Variants in ZAN observed in about 807,000 individuals in gnomAD.
ZAN encodes the protein zonadhesin (gene/pseudogene).
In ZAN, 260 loss-of-function variants were observed where a neutral mutation model predicts 286.2. The observed-to-expected ratio is 0.91, with a 90% CI of 0.82 to 1.01. The LOEUF (loss-of-function observed/expected upper bound fraction) is 1.01. ZAN is among the 50% of genes least tolerant of loss of function. ZAN has a pLI of 0.00. For synonymous variants in ZAN, 1,368 were observed against 1,417.5 expected, an observed-to-expected ratio of 0.97 and a Z score of 0.79; for missense variants, 3,410 against 3,639.2, an observed-to-expected ratio of 0.94 and a Z score of 1.62.
intron 42 of ZAN, among the ~76,000 whole-genome samples, chr7:100,793,426 CTGAG>C (rs1308541861): frequency 6.6e-6 from 1 of 152,046 alleles, no homozygotes; most frequent in African/African-American, 2.4e-5. Context: ...ATATGCAACG[CTGAG>C]TGTTTTTGTT....
In ZAN at chr7:100,763,082, A is replaced by C. The variant is rs1003855055; in HGVS notation, c.3986+724A>C. 6.8e-6 allele frequency among the ~76,000 whole-genome samples: 1 copy of C among 147,374 alleles called. No homozygotes were observed. The highest frequency in any genetic ancestry group is 1.5e-5 in the Non-Finnish European group (1 of 66,938). On this transcript the variant is annotated intron_variant, in intron 20 of 47. Coordinates refer to ENST00000613979, the MANE Select transcript of ZAN (RefSeq NM_003386.3). The surrounding 1 kb of genome is among the most constrained non-coding windows in gnomAD (Gnocchi z 4.6). Reference sequence around the variant, plus strand: ...TGCCTCCTGGGCTCAAGTGATTCTCACGCCTCAATCCCAATGAGATTATAG... The same window carrying C: ...TGCCTCCTGGGCTCAAGTGATTCTCCCGCCTCAATCCCAATGAGATTATAG...
intron 11 of ZAN, among the ~76,000 whole-genome samples, chr7:100,749,701 CAT>C (rs527860663): frequency 9.0e-5 from 12 of 132,740 alleles, no homozygotes; most frequent in South Asian, 5.0e-4. Flanking sequence ...TATATACACA[CAT>C]ATATATATAC....
chr7:100,751,295 G>C lies in ZAN; in HGVS notation c.1606+29G>C, dbSNP rs936465593. 6.0e-6 allele frequency: 9 copies of C among 1,511,502 alleles called. No individual in the cohort carries two copies. In the Admixed American group the frequency reaches 1.1e-4, roughly 18 times the overall value. The allele number at this position is 1,511,502 out of a possible 1,614,324, so 93.6% of individuals were successfully genotyped here. On this transcript the variant is annotated intron_variant, in intron 13 of 47. Transcript: ENST00000613979. ...AGACCAAAGCCCAGGCTCCAGGAAG[G>C]GGGCGGTGCCCTGAGGTTCCCTGGA...
In ZAN at chr7:100,775,395, C is replaced by G; in HGVS notation, c.5847C>G (p.Ile1949Met). 6.2e-7 allele frequency: 1 copy of G among 1,613,944 alleles called. No individual in the cohort carries two copies. The highest frequency in any genetic ancestry group is 8.5e-7 in the Non-Finnish European group (1 of 1,179,900). Residue 1949 changes from isoleucine (I) to methionine (M), a missense_variant, in exon 32 of 48, where the codon ATC becomes ATG. Ile to Met is a conservative substitution (Grantham distance 10). Around this residue, in one of 7 missense-constraint regions of ZAN, gnomAD observed 1,289 missense variants for 1,314.3 expected, o/e 0.98. Coordinates refer to ENST00000613979, the MANE Select transcript of ZAN (RefSeq NM_003386.3). ...GCTTTGATGGTAGTAACCATTCTAT[C>G]CCGGACGCCTGCACTCTTGTCCTGG... ...YVSFDGSNHS[I>M]PDACTLVLVK...
At chr7:100,767,705 C>G in intron 25 of ZAN, 126 bp from the exon 26 acceptor site, 1 of 1,088,026 alleles carries the variant, frequency 9.2e-7, no homozygotes, top group Non-Finnish European at 1.3e-6. Context: ...TCTCGAGATC[C>G]TGGGCTCAAG....
Position 100,736,620 on chromosome 7 carries a change from C to A in ZAN, c.244C>A (p.Pro82Thr). Reference sequence around the variant, plus strand: ...CTCCACCGGGGCCCCCGGGGGGTACCCTAACGGAGGTGAGGGGCTATGGTT... The same window carrying A: ...CTCCACCGGGGCCCCCGGGGGGTACACTAACGGAGGTGAGGGGCTATGGTT... Reference protein sequence around the residue: ...TGSTGAPGGYPNGEGSYLHME... With the variant: ...TGSTGAPGGYTNGEGSYLHME... Residue 82 changes from proline (P) to threonine (T), a missense_variant, in exon 4 of 48, where the codon CCT becomes ACT. Physicochemically the swap from Pro to Thr is conservative, Grantham distance 38. Around this residue, in one of 7 missense-constraint regions of ZAN, gnomAD observed 872 missense variants for 938.9 expected, o/e 0.93. Coordinates refer to ENST00000613979, the MANE Select transcript of ZAN (RefSeq NM_003386.3). The A allele has an allele frequency of 1.3e-6, 2 of 1,522,492 alleles. No homozygotes were observed. Among genetic ancestry groups the A allele is most frequent in the Non-Finnish European group, 1.8e-6 (2 of 1,107,428 alleles). 94.3% of individuals were successfully genotyped at this position (1,522,492 alleles called of 1,614,324 possible). A position where few individuals can be genotyped will look rare whatever the true frequency, so the allele number is the denominator to read the frequency against.
Position 100,779,953 on chromosome 7 carries a change from G to C in ZAN, c.6622+203G>C, listed in dbSNP as rs561851662. Among the ~76,000 whole-genome samples the C allele has an allele frequency of 2.0e-5, 3 of 152,232 alleles. No homozygotes were observed. The South Asian group carries it at 6.2e-4, about 32-fold the overall frequency. ...CTCACGCCTATAATCCCAGCACTTG[G>C]GGAGGCCAAGGTGGGTGGATCACCT... On this transcript the variant is annotated intron_variant, in intron 35 of 47. Transcript: ENST00000613979.
chr7:100,769,455 CTTTTT>C (rs919586133), intron 27 of ZAN, among the ~76,000 whole-genome samples: 2 of 151,636 alleles, frequency 1.3e-5, no homozygotes, highest in African/African-American at 4.8e-5. Flanking sequence ...CTTGTCTTGT[CTTTTT>C]TTTTCTTTTC....
intron 2 of ZAN, 41 bp from the exon 3 acceptor site, chr7:100,735,679 G>T: frequency 7.2e-7 from 1 of 1,388,988 alleles, no homozygotes; most frequent in South Asian, 1.2e-5. Flanking sequence ...TCTTGATAAT[G>T]ACACGAGTTG....
intron 35 of ZAN, among the ~76,000 whole-genome samples, chr7:100,781,100 G>T (rs192941647): frequency 2.6e-5 from 4 of 151,666 alleles, no homozygotes; most frequent in Non-Finnish European, 5.9e-5. Context: ...ACAGAATCTC[G>T]CTCTGTCACC....
At position 100,766,521 on chromosome 7, in the gene ZAN, C is replaced by G. The variant is rs780761379; in HGVS notation, c.4471-4C>G. On this transcript the variant is annotated splice_polypyrimidine_tract_variant and splice_region_variant and intron_variant, in intron 23 of 47. Transcript: ENST00000613979. Reference sequence around the variant, plus strand: ...TTCTCTTCCTTCCCTGCTGTCTTCCCCAGGTAGGGGAGCGGTGGTACAAGC... The same window carrying G: ...TTCTCTTCCTTCCCTGCTGTCTTCCGCAGGTAGGGGAGCGGTGGTACAAGC... 2.6e-6 allele frequency: 4 copies of G among 1,548,176 alleles called. No homozygotes were observed. In the East Asian group the frequency reaches 7.3e-5, roughly 28 times the overall value.
Position 100,763,143 on chromosome 7 carries a change from T to C in ZAN, c.3987-663T>C, listed in dbSNP as rs183371399. Reference sequence around the variant, plus strand: ...CCACACCTGTCTGATTTTTGTATTTTTAGTAGAGACGGGGTTTCATCATGT... The same window carrying C: ...CCACACCTGTCTGATTTTTGTATTTCTAGTAGAGACGGGGTTTCATCATGT... On this transcript the variant is annotated intron_variant, in intron 20 of 47. Coordinates refer to ENST00000613979, the MANE Select transcript of ZAN (RefSeq NM_003386.3). The surrounding 1 kb of genome is among the most constrained non-coding windows in gnomAD (Gnocchi z 4.6). 9.9e-4 allele frequency among the ~76,000 whole-genome samples: 151 copies of C among 152,046 alleles called. No individual in the cohort carries two copies. Among genetic ancestry groups the C allele is most frequent in the African/African-American group, 3.5e-3 (144 of 41,476 alleles).
At chr7:100,793,754 G>T in intron 42 of ZAN, 66 bp from the exon 43 acceptor site, 1 of 1,504,240 alleles carries the variant, frequency 6.6e-7, no homozygotes, top group Non-Finnish European at 8.9e-7. Flanking sequence ...GAGTTTTATC[G>T]GGTGACCTTG....
chr7:100,760,577 G>A (rs140871468), intron 19 of ZAN, 41 bp downstream of exon 19: 2 of 1,603,724 alleles, frequency 1.2e-6, no homozygotes, highest in African/African-American at 2.7e-5. Flanking sequence ...ACTTCTTCCT[G>A]CTGCCTCTTC....
intron 11 of ZAN, among the ~76,000 whole-genome samples, chr7:100,749,983 G>A (rs1808530926): frequency 6.8e-6 from 1 of 146,858 alleles, no homozygotes; most frequent in African/African-American, 2.5e-5. Flanking sequence ...CCTGGGAGGT[G>A]GAGGTTGTAG....
chr7:100,756,893 G>T (rs563829889), intron 15 of ZAN, among the ~76,000 whole-genome samples: 3 of 152,048 alleles, frequency 2.0e-5, no homozygotes, highest in African/African-American at 7.2e-5. Flanking sequence ...CTCAGACTCC[G>T]GAGTACCTGG....
chr7:100,767,408 C>T (rs545862344), intron 25 of ZAN, among the ~76,000 whole-genome samples, 151 bp downstream of exon 25: 3 of 151,736 alleles, frequency 2.0e-5, no homozygotes, highest in South Asian at 4.2e-4. Flanking sequence ...CTCTGGACTC[C>T]CTCCTCCCTC....
At chr7:100,788,922 C>T (rs1428865885) in intron 38 of ZAN, among the ~76,000 whole-genome samples, 1 of 152,108 alleles carries the variant, frequency 6.6e-6, no homozygotes, top group Non-Finnish European at 1.5e-5. Context: ...TGGTCTGGAA[C>T]TCCTGACCTC....
In ZAN at chr7:100,755,399, G is replaced by A. The variant is rs141969527; in HGVS notation, c.3298G>A (p.Asp1100Asn). The A allele has an allele frequency of 0.021, 33,397 of 1,610,730 alleles. 446 individuals carry two copies. The highest frequency in any genetic ancestry group is 0.025 in the Non-Finnish European group (29,073 of 1,178,028). The change falls in exon 15 of 48, where the codon GAC (aspartate) becomes AAC (asparagine). Residue 1100 changes from aspartate to asparagine, a missense_variant. Asp to Asn is a conservative substitution (Grantham distance 23, BLOSUM62 1). Transcript: ENST00000613979. ...ASSCNCFYNN[D>N]YYEPGAEWFS... ...TTCCTGCAATTGCTTCTACAACAAC[G>A]ACTACTATGAGGTAAGCCCCCCGGG...
Sources: gnomAD v4.1 joint callset for allele counts (sites outside exome capture counted in the v4.1 genomes callset) on GRCh38, gnomAD v4.1.1 for gene constraint, gnomAD v4.1.1 regional missense constraint, Gnocchi (gnomAD v3.1) non-coding constraint, MANE v1.5 for transcripts, NCBI Gene and HGNC (gene_info 2026-07-23, HGNC 2026-07-21) for gene names.